The following ST6GALNAC3 variants were observed in gnomAD, a reference collection of about 807,000 sequenced individuals.
ST6GALNAC3 encodes the protein ST6 N-acetylgalactosaminide alpha-2,6-sialyltransferase 3, also known as alpha-N-acetylgalactosaminide alpha-2,6-sialyltransferase 3.
Under a neutral mutation model 32.7 loss-of-function variants are expected in ST6GALNAC3, and 25 were observed. That is an observed-to-expected ratio of 0.76 (90% CI 0.56 to 1.07). The LOEUF is 1.07. Ranked by LOEUF, ST6GALNAC3 falls within the 50% of genes least tolerant of loss-of-function variation. The probability of loss-of-function intolerance (pLI) is 0.00; values close to 1 mark genes in which losing one functional copy is unlikely to be tolerated. For synonymous variants in ST6GALNAC3, 129 were observed against 133.1 expected, an observed-to-expected ratio of 0.97 and a Z score of 0.21; for missense variants, 355 against 382.4, an observed-to-expected ratio of 0.93 and a Z score of 0.60.
chr1:76,285,455 C>T (rs574471448), intron 1 of ST6GALNAC3, among the ~76,000 whole-genome samples: 5 of 150,968 alleles, frequency 3.3e-5, no homozygotes, highest in African/African-American at 1.2e-4. Context: ...ACCATAGGTG[C>T]GGTGCCTTGG....
At chr1:76,500,509 G>A (rs1237107876) in intron 3 of ST6GALNAC3, among the ~76,000 whole-genome samples, 1 of 152,098 alleles carries the variant, frequency 6.6e-6, no homozygotes, top group Non-Finnish European at 1.5e-5. Context: ...AATAATCTTT[G>A]AAAGGCTTGT....
At chr1:76,443,324 A>G (rs1440817266) in intron 3 of ST6GALNAC3, among the ~76,000 whole-genome samples, 8 of 152,148 alleles carry the variant, frequency 5.3e-5, no homozygotes, top group Non-Finnish European at 1.2e-4. Context: ...ATCTATGGAT[A>G]AACTTTTCAA....
chr1:76,475,699 TTTTA>T (rs1659304343), intron 3 of ST6GALNAC3, among the ~76,000 whole-genome samples: 1 of 152,162 alleles, frequency 6.6e-6, no homozygotes, highest in African/African-American at 2.4e-5. Flanking sequence ...TTAAAAATTA[TTTTA>T]TTTATTTTTT....
chr1:76,315,252 C>T (rs987166913), intron 2 of ST6GALNAC3, among the ~76,000 whole-genome samples: 3 of 151,960 alleles, frequency 2.0e-5, no homozygotes, highest in Non-Finnish European at 4.4e-5. Context: ...GTTTGTCTCA[C>T]CCTCATCTTT....
intron 1 of ST6GALNAC3, among the ~76,000 whole-genome samples, chr1:76,254,051 G>A (rs1214844674): frequency 6.6e-6 from 1 of 152,026 alleles, no homozygotes; most frequent in Non-Finnish European, 1.5e-5. Flanking sequence ...TTTTCATTCT[G>A]GTAATTTTCT....
chr1:76,586,392 C>T (rs77368274), intron 3 of ST6GALNAC3, among the ~76,000 whole-genome samples: 1,657 of 152,318 alleles, frequency 0.011, 33 homozygotes, highest in African/African-American at 0.039. Flanking sequence ...CCCTTCTCCT[C>T]CAAGTGAATG....
chr1:76,526,788 G>C (rs527773360), intron 3 of ST6GALNAC3, among the ~76,000 whole-genome samples: 3 of 151,898 alleles, frequency 2.0e-5, no homozygotes, highest in Non-Finnish European at 4.4e-5. Context: ...CTGTGTTTTT[G>C]AATACTTCCT....
At chr1:76,106,235 G>A (rs984018454) in intron 1 of ST6GALNAC3, among the ~76,000 whole-genome samples, 2 of 152,108 alleles carry the variant, frequency 1.3e-5, no homozygotes, top group African/African-American at 4.8e-5. Context: ...CTTTTAATTA[G>A]TTGATTTATT....
At chr1:76,488,869 G>A (rs1660307250) in intron 3 of ST6GALNAC3, among the ~76,000 whole-genome samples, 2 of 152,274 alleles carry the variant, frequency 1.3e-5, no homozygotes, top group African/African-American at 4.8e-5. Flanking sequence ...GCCATTGACT[G>A]TCCAGAACTG....
intron 1 of ST6GALNAC3, among the ~76,000 whole-genome samples, chr1:76,254,023 A>G (rs1312757490): frequency 6.6e-6 from 1 of 152,156 alleles, no homozygotes; most frequent in Non-Finnish European, 1.5e-5. Flanking sequence ...ATGTTCTGGA[A>G]GGGGCTATGC....
intron 1 of ST6GALNAC3, among the ~76,000 whole-genome samples, chr1:76,303,619 C>A (rs1486270051): frequency 6.6e-6 from 1 of 152,032 alleles, no homozygotes; most frequent in East Asian, 1.9e-4. Context: ...AAGCTATTGT[C>A]CTTATCAGAA....
rs143379182 is a variant in ST6GALNAC3 at position 76,586,497 on chromosome 1, A to C, written c.624-40955A>C. ...CTTTGGACACTTCCCAATATGCACT[A>C]TCTCTCTCCTACTCCTATTATCACT... On this transcript the variant is annotated intron_variant, in intron 3 of 4. Coordinates refer to ENST00000328299, the MANE Select transcript of ST6GALNAC3 (RefSeq NM_152996.4). 5.2e-4 allele frequency among the ~76,000 whole-genome samples: 79 copies of C among 152,312 alleles called. 1 individual carries two copies. Among genetic ancestry groups the C allele is most frequent in the African/African-American group, 1.7e-3 (71 of 41,572 alleles).
intron 1 of ST6GALNAC3, among the ~76,000 whole-genome samples, chr1:76,103,084 T>C (rs1647296061): frequency 6.6e-6 from 1 of 151,954 alleles, no homozygotes; most frequent in South Asian, 2.1e-4. Flanking sequence ...TTGTTTCTTT[T>C]TCACCCTTAT....
chr1:76,376,545 A>G (rs1287083523), intron 2 of ST6GALNAC3, among the ~76,000 whole-genome samples: 1 of 152,230 alleles, frequency 6.6e-6, no homozygotes, highest in Non-Finnish European at 1.5e-5. Context: ...CGTTGTATAA[A>G]TGGAATCATG....
chr1:76,509,788 A>G lies in ST6GALNAC3; in HGVS notation c.623+97371A>G, dbSNP rs1448095374. On this transcript the variant is annotated intron_variant, in intron 3 of 4. Transcript: ENST00000328299. This position sits in a 1 kb window ranked among gnomAD's most constrained non-coding sequence, Gnocchi z 5.5. ...CACCAATTTCTGCTTCCATTCTCAC[A>G]TATCTTTTCCTCACATTGCTGTTTC... Among the ~76,000 whole-genome samples, 1 of 152,110 alleles carries G rather than the reference A, an allele frequency of 6.6e-6. No individual in the cohort carries two copies. The highest frequency in any genetic ancestry group is 1.5e-5 in the Non-Finnish European group (1 of 68,018).
intron 3 of ST6GALNAC3, among the ~76,000 whole-genome samples, chr1:76,618,361 G>T (rs538310105): frequency 6.6e-6 from 1 of 152,116 alleles, no homozygotes; most frequent in South Asian, 2.1e-4. Context: ...GACTGTCCTC[G>T]GGCAAGTACT....
At chr1:76,561,368 T>A (rs368639738) in intron 3 of ST6GALNAC3, among the ~76,000 whole-genome samples, 1 of 152,132 alleles carries the variant, frequency 6.6e-6, no homozygotes, top group Non-Finnish European at 1.5e-5. Context: ...ACTCACAGAA[T>A]GGGAGAATAT....
intron 3 of ST6GALNAC3, among the ~76,000 whole-genome samples, chr1:76,446,661 T>C (rs1336917927): frequency 2.0e-5 from 3 of 152,176 alleles, no homozygotes; most frequent in Middle Eastern, 3.2e-3. Flanking sequence ...TGGGAGGTGA[T>C]TGAATCATGG....
intron 3 of ST6GALNAC3, among the ~76,000 whole-genome samples, chr1:76,445,516 T>A (rs1656909723): frequency 6.6e-6 from 1 of 152,212 alleles, no homozygotes; most frequent in Non-Finnish European, 1.5e-5. Flanking sequence ...GACCATGTAT[T>A]CACAGTATAA....
Sources: allele counts gnomAD v4.1 joint callset (sites outside exome capture counted in the v4.1 genomes callset), GRCh38; gene constraint gnomAD v4.1.1; non-coding constraint Gnocchi (gnomAD v3.1); transcripts MANE v1.5; gene names NCBI Gene and HGNC (gene_info 2026-07-23, HGNC 2026-07-21).